The following HERC3 variants were observed in gnomAD, a reference collection of about 807,000 sequenced individuals.
The protein encoded by HERC3 is HECT and RLD domain containing E3 ubiquitin protein ligase 3.
Under a neutral mutation model 129.9 loss-of-function variants are expected in HERC3, and 58 were observed. The ratio of observed to expected loss-of-function variants is 0.45; its 90% CI spans 0.36 to 0.56. The LOEUF is 0.56. Among genes scored for constraint, HERC3 ranks in the 20% least tolerant of loss-of-function variants. HERC3 has a pLI of 0.00. For missense variants in HERC3, 835 were observed against 1,244.2 expected (o/e 0.67, Z 4.95); for synonymous variants, 430 against 451.0 (o/e 0.95, Z 0.59).
At chr4:88,688,402 G>C (rs1733707016) in intron 23 of HERC3, among the ~76,000 whole-genome samples, 1 of 152,122 alleles carries the variant, frequency 6.6e-6, no homozygotes, top group Non-Finnish European at 1.5e-5. Context: ...ACCGTGTGCA[G>C]GGATACCCAT....
upstream of HERC3, among the ~76,000 whole-genome samples, chr4:88,591,011 T>G (rs1721674413): frequency 1.3e-5 from 2 of 151,736 alleles, no homozygotes; most frequent in South Asian, 4.2e-4. Flanking sequence ...TGCCTCAGCC[T>G]CCTGAGTAGC....
At chr4:88,607,972 C>T (rs1326906395) in intron 3 of HERC3, among the ~76,000 whole-genome samples, 4 of 152,138 alleles carry the variant, frequency 2.6e-5, no homozygotes, top group Non-Finnish European at 4.4e-5. Context: ...TCTTTTCATT[C>T]AATACAGATC....
chr4:88,706,723 C>T (rs773516439), intron 25 of HERC3, 29 bp from the exon 26 acceptor site: 1 of 1,595,430 alleles, frequency 6.3e-7, no homozygotes, highest in African/African-American at 1.3e-5. Flanking sequence ...GTTTGCTTAG[C>T]TGCTAATGCC....
the HERC3 span, among the ~76,000 whole-genome samples, chr4:88,567,033 C>A: frequency 6.6e-6 from 1 of 152,144 alleles, no homozygotes; most frequent in Admixed American, 6.6e-5. Context: ...AAGTGATTCA[C>A]CTGCCTTAGC....
intron 23 of HERC3, among the ~76,000 whole-genome samples, chr4:88,703,359 C>G (rs1403427603): frequency 6.6e-6 from 1 of 152,150 alleles, no homozygotes; most frequent in Non-Finnish European, 1.5e-5. Context: ...GAAAAAATAG[C>G]CTTTGCTCTT....
At position 88,697,280 on chromosome 4, in the gene HERC3, C is replaced by G; in HGVS notation, c.2658-6818C>G. On this transcript the variant is annotated intron_variant, in intron 23 of 25. Coordinates refer to ENST00000402738, the MANE Select transcript of HERC3 (RefSeq NM_014606.3). ...GCCCCCGCGGCAGCCTCTGCCGCAG[C>G]CTCCTCCTCCTCCTCGTCTTCCCCC... The G allele has an allele frequency of 6.5e-7, 1 of 1,534,474 alleles. No individual in the cohort carries two copies. The highest frequency in any genetic ancestry group is 1.3e-5 in the South Asian group (1 of 78,046).
intron 16 of HERC3, among the ~76,000 whole-genome samples, chr4:88,671,006 A>C (rs1731555178): frequency 6.6e-6 from 1 of 151,938 alleles, no homozygotes; most frequent in Non-Finnish European, 1.5e-5. Context: ...ATTGAGAATT[A>C]TGTGTGTGAA....
chr4:88,531,483 C>T, the HERC3 span, among the ~76,000 whole-genome samples: 1 of 152,142 alleles, frequency 6.6e-6, no homozygotes, highest in Non-Finnish European at 1.5e-5. Flanking sequence ...ATAAGCAACT[C>T]CACATGATAT....
At chr4:88,632,637 C>T (rs946927397) in intron 3 of HERC3, among the ~76,000 whole-genome samples, 2 of 152,114 alleles carry the variant, frequency 1.3e-5, no homozygotes, top group East Asian at 1.9e-4. Context: ...CACTGCATGG[C>T]CTCAGTAGCA....
the HERC3 span, among the ~76,000 whole-genome samples, chr4:88,537,962 G>C: frequency 6.6e-6 from 1 of 152,200 alleles, no homozygotes; most frequent in Non-Finnish European, 1.5e-5. Context: ...AAAACCTTCT[G>C]ACAGGAAGAT....
At chr4:88,593,042 T>C (rs1002659507) in intron 1 of HERC3, among the ~76,000 whole-genome samples, 1 of 144,474 alleles carries the variant, frequency 6.9e-6, no homozygotes, top group Non-Finnish European at 1.5e-5. Context: ...CGCTTTCAAT[T>C]GAAATGGGAG....
chr4:88,668,735 A>G (rs1018237637), intron 14 of HERC3: 3 of 152,468 alleles, frequency 2.0e-5, no homozygotes, highest in African/African-American at 7.2e-5. Flanking sequence ...ATTGCAGCTC[A>G]GTAACTTCTG....
the HERC3 span, among the ~76,000 whole-genome samples, chr4:88,584,775 G>C: frequency 1.3e-5 from 2 of 152,186 alleles, no homozygotes; most frequent in African/African-American, 4.8e-5. Context: ...GAGCCAGTAA[G>C]TTTCTGTTCA....
At chr4:88,685,344 A>G (rs1733306261) in intron 21 of HERC3, among the ~76,000 whole-genome samples, 1 of 152,252 alleles carries the variant, frequency 6.6e-6, no homozygotes, top group South Asian at 2.1e-4. Context: ...CTTGGAATCA[A>G]CCCAAATGCC....
At chr4:88,689,743 A>G (rs559903288) in intron 23 of HERC3, among the ~76,000 whole-genome samples, 4 of 151,714 alleles carry the variant, frequency 2.6e-5, no homozygotes, top group African/African-American at 9.7e-5. Flanking sequence ...ATGCCTGGCT[A>G]ATTTTTGTAT....
At chr4:88,574,448 T>A in the HERC3 span, among the ~76,000 whole-genome samples, 38 of 152,336 alleles carry the variant, frequency 2.5e-4, no homozygotes, top group East Asian at 6.2e-3. Context: ...AAATTTACCA[T>A]CTTAACCATT....
upstream of HERC3, among the ~76,000 whole-genome samples, chr4:88,588,978 A>C (rs1721595252): frequency 6.6e-6 from 1 of 152,156 alleles, no homozygotes; most frequent in Admixed American, 6.5e-5. Flanking sequence ...CTAAGGCAGC[A>C]GGATTGCTTG....
At chr4:88,576,508 C>G in the HERC3 span, among the ~76,000 whole-genome samples, 1 of 152,224 alleles carries the variant, frequency 6.6e-6, no homozygotes. Flanking sequence ...TTCACACATG[C>G]TGTTCACTCT....
chr4:88,662,742 A>C (rs1201624785), intron 11 of HERC3, among the ~76,000 whole-genome samples, 187 bp downstream of exon 11: 3 of 152,140 alleles, frequency 2.0e-5, no homozygotes, highest in Non-Finnish European at 1.5e-5. Flanking sequence ...AGCATAATGG[A>C]TGGATCCCCA....
Sources: allele counts gnomAD v4.1 joint callset (sites outside exome capture counted in the v4.1 genomes callset), GRCh38; gene constraint gnomAD v4.1.1; transcripts MANE v1.5; gene names NCBI Gene and HGNC (gene_info 2026-07-23, HGNC 2026-07-21).